SYT1: variants seen among roughly 807,000 people sequenced by gnomAD.
The protein encoded by SYT1 is synaptotagmin-1.
Under a neutral mutation model 44.8 loss-of-function variants are expected in SYT1, and 8 were observed. The observed-to-expected ratio is 0.18, with a 90% CI of 0.10 to 0.32. The LOEUF is 0.32. SYT1 is among the 10% of genes least tolerant of loss of function. The probability of loss-of-function intolerance (pLI) is 1.00; values close to 1 mark genes in which losing one functional copy is unlikely to be tolerated. For missense variants in SYT1, 286 were observed against 509.3 expected (o/e 0.56, Z 4.22); for synonymous variants, 154 against 188.8 (o/e 0.82, Z 1.51).
At chr12:79,066,153 C>T (rs1000357176) in intron 3 of SYT1, among the ~76,000 whole-genome samples, 2 of 152,118 alleles carry the variant, frequency 1.3e-5, no homozygotes, top group Non-Finnish European at 2.9e-5. Context: ...AGAGACCACA[C>T]ATTTGACACA....
chr12:79,411,177 G>A (rs1020628322), intron 9 of SYT1, among the ~76,000 whole-genome samples: 7 of 152,300 alleles, frequency 4.6e-5, no homozygotes, highest in East Asian at 1.9e-4. Context: ...CTAAGCTGCC[G>A]TCTTTCTCTT....
intron 9 of SYT1, among the ~76,000 whole-genome samples, chr12:79,438,120 C>T (rs1870194888): frequency 6.6e-6 from 1 of 152,090 alleles, no homozygotes; most frequent in South Asian, 2.1e-4. Context: ...TCCATCCAGG[C>T]AGTTGAAGTC....
chr12:79,179,202 A>C (rs1240889091), intron 3 of SYT1, among the ~76,000 whole-genome samples: 1 of 26,290 alleles, frequency 3.8e-5, no homozygotes, highest in African/African-American at 2.3e-4. Context: ...ATAGATATAT[A>C]GATATAGATA....
rs1254203455 is a variant in SYT1 at position 79,142,566 on chromosome 12, TC to T, written c.-17-74934del. On this transcript the variant is annotated intron_variant, in intron 3 of 10. Coordinates refer to ENST00000261205, the MANE Select transcript of SYT1 (RefSeq NM_005639.3). The stretch of plus-strand genomic sequence containing the variant: ...ATTAATCTCACATGCCAAGAAACCA[TC>T]CCTTACTAAAATGATGGAATGGAAT... Among the ~76,000 whole-genome samples the T allele has an allele frequency of 4.6e-5, 7 of 152,234 alleles. 1 individual carries two copies. The highest frequency in any genetic ancestry group is 1.4e-4 in the African/African-American group (6 of 41,542).
chr12:78,931,171 A>G (rs1053772953), intron 1 of SYT1, among the ~76,000 whole-genome samples: 7 of 124,352 alleles, frequency 5.6e-5, no homozygotes, highest in Non-Finnish European at 1.1e-4. Context: ...GAAAGAAAGA[A>G]AGAAAGAAAA....
intron 1 of SYT1, among the ~76,000 whole-genome samples, chr12:78,929,492 C>T (rs939905672): frequency 2.3e-5 from 3 of 129,562 alleles, no homozygotes; most frequent in Non-Finnish European, 4.8e-5. Context: ...AGAATCTTTA[C>T]TCAATAATTT....
At chr12:79,448,854 G>A in intron 10 of SYT1, 64 bp from the exon 11 acceptor site, 6 of 1,454,798 alleles carry the variant, frequency 4.1e-6, no homozygotes, top group East Asian at 2.3e-5. Flanking sequence ...GCTCAAGGAC[G>A]CTTTATAGTC....
At chr12:78,920,557 A>G (rs1876925246) in intron 1 of SYT1, among the ~76,000 whole-genome samples, 2 of 64,738 alleles carry the variant, frequency 3.1e-5, no homozygotes, top group South Asian at 6.2e-4. Flanking sequence ...ATGCATTTTT[A>G]TAAACTTTTA....
At chr12:79,234,633 G>A (rs1876068234) in intron 4 of SYT1, among the ~76,000 whole-genome samples, 1 of 151,686 alleles carries the variant, frequency 6.6e-6, no homozygotes, top group South Asian at 2.1e-4. Flanking sequence ...ATATCCATGA[G>A]TTGCTTATCC....
intron 2 of SYT1, among the ~76,000 whole-genome samples, chr12:79,034,336 G>T (rs1872994714): frequency 6.6e-6 from 1 of 151,388 alleles, no homozygotes; most frequent in African/African-American, 2.4e-5. Flanking sequence ...TACTGATGAA[G>T]AAATTAAGAT....
intron 1 of SYT1, among the ~76,000 whole-genome samples, chr12:78,873,020 T>G (rs966011648): frequency 6.6e-6 from 1 of 151,742 alleles, no homozygotes; most frequent in African/African-American, 2.4e-5. Context: ...TTATTTTCTA[T>G]TTTGCCATTG....
intron 2 of SYT1, among the ~76,000 whole-genome samples, chr12:78,982,653 A>G (rs896406126): frequency 1.3e-5 from 2 of 152,162 alleles, no homozygotes; most frequent in Admixed American, 6.6e-5. Context: ...TAAGAAGAGG[A>G]TGATGGTATG....
At chr12:79,421,595 G>T (rs577371476) in intron 9 of SYT1, among the ~76,000 whole-genome samples, 18 of 152,058 alleles carry the variant, frequency 1.2e-4, no homozygotes, top group Non-Finnish European at 2.2e-4. Context: ...TATCTGTCTT[G>T]ACATGTTGGT....
intron 2 of SYT1, among the ~76,000 whole-genome samples, chr12:79,024,461 G>A (rs1051575277): frequency 4.6e-5 from 7 of 151,752 alleles, no homozygotes; most frequent in Non-Finnish European, 8.8e-5. Context: ...AATGTGTAAT[G>A]TATCTTTAAC....
chr12:79,146,109 A>G (rs61927290), intron 3 of SYT1, among the ~76,000 whole-genome samples: 10,286 of 152,252 alleles, frequency 0.068, 378 homozygotes, highest in African/African-American at 0.081. Context: ...AAAAGCTAAC[A>G]GCACAACAAC....
chr12:78,908,302 G>T (rs1203526041), intron 1 of SYT1, among the ~76,000 whole-genome samples: 1 of 151,338 alleles, frequency 6.6e-6, no homozygotes, highest in African/African-American at 2.4e-5. Flanking sequence ...AAGCACAGAG[G>T]GTCTTTCTTA....
chr12:79,146,592 T>C (rs527644331), intron 3 of SYT1, among the ~76,000 whole-genome samples: 1 of 152,286 alleles, frequency 6.6e-6, no homozygotes, highest in South Asian at 2.1e-4. Context: ...GCTAATCTTC[T>C]CCAGACATTC....
chr12:78,883,568 A>G (rs1391164303), intron 1 of SYT1, among the ~76,000 whole-genome samples: 5 of 151,678 alleles, frequency 3.3e-5, no homozygotes, highest in Admixed American at 6.6e-5. Flanking sequence ...CAAATAAAAT[A>G]TGGTAATTTA....
chr12:79,299,671 C>A (rs1880040676), intron 8 of SYT1, 120 bp downstream of exon 8: 2 of 1,269,296 alleles, frequency 1.6e-6, no homozygotes, highest in Admixed American at 2.6e-5. Context: ...TTGTTGACAG[C>A]TGATAAAATA....
Sources: allele counts gnomAD v4.1 joint callset (sites outside exome capture counted in the v4.1 genomes callset), GRCh38; gene constraint gnomAD v4.1.1; transcripts MANE v1.5; gene names NCBI Gene and HGNC (gene_info 2026-07-23, HGNC 2026-07-21).